Variants in PRKG1 observed in about 807,000 individuals in gnomAD.
PRKG1 encodes cGMP-dependent protein kinase 1.
PRKG1 carries 35 observed loss-of-function variants against 88.1 expected under a neutral mutation model. The observed-to-expected ratio is 0.40, with a 90% CI of 0.30 to 0.53. The LOEUF is 0.53. Ranked by LOEUF, PRKG1 falls within the 20% of genes least tolerant of loss-of-function variation. PRKG1 has a pLI of 0.59. For synonymous variants in PRKG1, 303 were observed against 292.5 expected (o/e 1.04, Z -0.37); for missense variants, 540 against 839.8 (o/e 0.64, Z 4.41).
At chr10:51,501,007 T>C (rs924248290) in intron 3 of PRKG1, among the ~76,000 whole-genome samples, 4 of 152,156 alleles carry the variant, frequency 2.6e-5, no homozygotes, top group African/African-American at 4.8e-5. Context: ...CGTTTCACAT[T>C]ATTTTGGTTC....
At chr10:51,875,988 A>G (rs1841290183) in intron 4 of PRKG1, among the ~76,000 whole-genome samples, 3 of 151,416 alleles carry the variant, frequency 2.0e-5, no homozygotes, top group Admixed American at 2.0e-4. Flanking sequence ...CATGCCGTCA[A>G]TGACACAGCA....
At chr10:51,451,402 T>C (rs1261530171) in intron 2 of PRKG1, among the ~76,000 whole-genome samples, 1 of 151,950 alleles carries the variant, frequency 6.6e-6, no homozygotes, top group Admixed American at 6.6e-5. Context: ...TTATTTTTCT[T>C]ATCCAAGTTC....
At chr10:51,238,987 T>C (rs977414288) in intron 2 of PRKG1, among the ~76,000 whole-genome samples, 4 of 151,998 alleles carry the variant, frequency 2.6e-5, no homozygotes, top group African/African-American at 4.8e-5. Context: ...TATAGTAAGC[T>C]TAAGATAACC....
At chr10:51,231,939 G>A (rs1413628340) in intron 2 of PRKG1, among the ~76,000 whole-genome samples, 2 of 152,090 alleles carry the variant, frequency 1.3e-5, no homozygotes, top group African/African-American at 2.4e-5. Flanking sequence ...TTTTTGGTGA[G>A]GTCATTGAAT....
intron 2 of PRKG1, among the ~76,000 whole-genome samples, chr10:51,239,737 T>C (rs1175893782): frequency 6.6e-6 from 1 of 152,038 alleles, no homozygotes; most frequent in Non-Finnish European, 1.5e-5. Context: ...GCAGGTAACA[T>C]AGTAGTTGAA....
At chr10:51,621,992 A>T (rs1203833326) in intron 3 of PRKG1, among the ~76,000 whole-genome samples, 1 of 152,194 alleles carries the variant, frequency 6.6e-6, no homozygotes. Context: ...TCAGCCCTGA[A>T]TATTTCTTCA....
chr10:51,960,907 T>C (rs1308058859), intron 5 of PRKG1, among the ~76,000 whole-genome samples: 1 of 152,142 alleles, frequency 6.6e-6, no homozygotes, highest in Non-Finnish European at 1.5e-5. Flanking sequence ...TGCAAATTGT[T>C]TTATATGCCA....
chr10:51,769,723 T>C (rs12243868), intron 3 of PRKG1, among the ~76,000 whole-genome samples: 1,724 of 152,276 alleles, frequency 0.011, 33 homozygotes, highest in African/African-American at 0.039. Context: ...ATGGCTTTTA[T>C]TGGGGAAATA....
intron 3 of PRKG1, among the ~76,000 whole-genome samples, chr10:51,751,364 A>G (rs1837721244): frequency 6.6e-6 from 1 of 151,982 alleles, no homozygotes; most frequent in Admixed American, 6.6e-5. Flanking sequence ...CAGCCTCTTG[A>G]GTTGCTGGGA....
chr10:51,511,262 G>C (rs1034815738), intron 3 of PRKG1, among the ~76,000 whole-genome samples: 7 of 152,048 alleles, frequency 4.6e-5, no homozygotes, highest in African/African-American at 1.4e-4. Flanking sequence ...TATACACCAA[G>C]ATTCAGGAAT....
chr10:51,280,798 C>T lies in PRKG1; in HGVS notation c.478+127468C>T, dbSNP rs191778126. The stretch of plus-strand genomic sequence containing the variant: ...TTTTTCAAGGTTTTTAGCTTCTTTG[C>T]GATGGGTTCGAACTTCCTCCTTTAG... On this transcript the variant is annotated intron_variant, in intron 2 of 17. Coordinates refer to ENST00000373980, the MANE Select transcript of PRKG1 (RefSeq NM_006258.4). Among the ~76,000 whole-genome samples, 396 of 151,958 alleles carry T rather than the reference C, an allele frequency of 2.6e-3. 2 individuals are homozygous for T. Among genetic ancestry groups the T allele is most frequent in the Non-Finnish European group, 4.8e-3 (324 of 67,946 alleles).
At chr10:51,822,566 C>A (rs1405674937) in intron 4 of PRKG1, among the ~76,000 whole-genome samples, 1 of 152,136 alleles carries the variant, frequency 6.6e-6, no homozygotes, top group Non-Finnish European at 1.5e-5. Flanking sequence ...TACTTTAAGG[C>A]ATACACACGT....
At chr10:51,382,436 T>C (rs573706716) in intron 2 of PRKG1, among the ~76,000 whole-genome samples, 1 of 152,294 alleles carries the variant, frequency 6.6e-6, no homozygotes, top group African/African-American at 2.4e-5. Flanking sequence ...CCTCTTGAAA[T>C]TAATGGAAGA....
chr10:52,009,332 T>C (rs886499014), intron 5 of PRKG1, among the ~76,000 whole-genome samples: 58 of 152,256 alleles, frequency 3.8e-4, no homozygotes, highest in African/African-American at 1.4e-3. Context: ...ACTTTCATTA[T>C]ACAAAATCAG....
At chr10:52,166,787 CTATATATATACATA>C (rs1447303470) in intron 9 of PRKG1, among the ~76,000 whole-genome samples, 2 of 12,448 alleles carry the variant, frequency 1.6e-4, no homozygotes, top group Non-Finnish European at 9.3e-4. Flanking sequence ...ATAAAAAAGC[CTATATATATACATA>C]TATATATGTA....
intron 2 of PRKG1, among the ~76,000 whole-genome samples, chr10:51,339,030 T>A (rs185140696): frequency 5.3e-5 from 8 of 152,288 alleles, no homozygotes; most frequent in Admixed American, 5.2e-4. Context: ...TAAGTATTCA[T>A]TAAATTGGGG....
Position 51,118,522 on chromosome 10 carries a change from C to T in PRKG1, c.312-34642C>T, listed in dbSNP as rs540792896. Among the ~76,000 whole-genome samples, 9 of 152,186 alleles carry T rather than the reference C, an allele frequency of 5.9e-5. No individual in the cohort carries two copies. In the East Asian group the frequency reaches 1.7e-3, roughly 29 times the overall value. ...GTTTATTATCATTACAGAAAGCTTT[C>T]GTATAGTACTTTTATCTGTGCCAAA... On this transcript the variant is annotated intron_variant, in intron 1 of 17. Transcript: ENST00000373980.
At position 51,074,861 on chromosome 10, in the gene PRKG1, C is replaced by T; in HGVS notation, c.271C>T (p.Leu91Phe). 1 of 1,613,264 alleles carries T rather than the reference C, an allele frequency of 6.2e-7. No homozygotes were observed. The highest frequency in any genetic ancestry group is 8.5e-7 in the Non-Finnish European group (1 of 1,179,466). ...GCCCACCGCCTTCGACATCCAGGAT[C>T]TCAGCCATGTGACCCTGCCCTTCTA... ...AEPTAFDIQD[L>F]SHVTLPFYPK... is the part of the protein sequence containing the mutation. The change falls in exon 1 of 18, where the codon CTC (leucine) becomes TTC (phenylalanine). Residue 91 changes from leucine (L) to phenylalanine (F), a missense_variant. Physicochemically the swap from Leu to Phe is conservative, Grantham distance 22 (BLOSUM62 0). Around this residue, in one of 5 missense-constraint regions of PRKG1, gnomAD observed 400 missense variants for 562.7 expected, o/e 0.71. Transcript: ENST00000373980.
At chr10:51,800,470 G>GA (rs1839141702) in intron 3 of PRKG1, among the ~76,000 whole-genome samples, 1 of 152,040 alleles carries the variant, frequency 6.6e-6, no homozygotes, top group Non-Finnish European at 1.5e-5. Context: ...CTACAGTTGG[G>GA]AAAAATCATG....
Sources: allele counts gnomAD v4.1 joint callset (sites outside exome capture counted in the v4.1 genomes callset), GRCh38; gene constraint gnomAD v4.1.1; regional missense constraint gnomAD v4.1.1; transcripts MANE v1.5; gene names NCBI Gene and HGNC (gene_info 2026-07-23, HGNC 2026-07-21).